SYNE1: variants seen among roughly 807,000 people sequenced by gnomAD.
SYNE1 encodes spectrin repeat containing nuclear envelope protein 1.
Under a neutral mutation model 1,111.0 loss-of-function variants are expected in SYNE1, and 616 were observed. That is an observed-to-expected ratio of 0.55 (90% CI 0.52 to 0.59). SYNE1 has a LOEUF of 0.59. SYNE1 is among the 20% of genes least tolerant of loss of function. The probability of loss-of-function intolerance (pLI) is 0.00; values close to 1 mark genes in which losing one functional copy is unlikely to be tolerated. For synonymous variants in SYNE1, 3,855 were observed against 3,825.8 expected, an observed-to-expected ratio of 1.01 and a Z score of -0.28; for missense variants, 10,006 against 10,417.0, an observed-to-expected ratio of 0.96 and a Z score of 1.72.
At position 152,376,928 on chromosome 6, in the gene SYNE1, GA is replaced by G. The variant is rs767637970; in HGVS notation, c.9010-17del. 6.2e-7 allele frequency: 1 copy of G among 1,613,216 alleles called. No homozygotes were observed. The highest frequency in any genetic ancestry group is 1.1e-5 in the South Asian group (1 of 91,064). ...CCAGTATCTCCTGTTCAGAAATAATGAGACAAAGAAGCGAGCACTTACATTG... is the reference window on the plus strand; with the variant it reads ...CCAGTATCTCCTGTTCAGAAATAATGGACAAAGAAGCGAGCACTTACATTG... On this transcript the variant is annotated splice_polypyrimidine_tract_variant and intron_variant, in intron 56 of 145. Coordinates refer to ENST00000367255, the MANE Select transcript of SYNE1 (RefSeq NM_182961.4).
Position 152,326,406 on chromosome 6 carries a change from T to C in SYNE1, c.15183A>G (p.Pro5061=). 1 of 1,614,134 alleles carries C rather than the reference T, an allele frequency of 6.2e-7. No homozygotes were observed. The highest frequency in any genetic ancestry group is 8.5e-7 in the Non-Finnish European group (1 of 1,180,028). ...ELHSLVATLD[P]LIKPTGKEDL... is the part of the protein sequence containing the mutation. ...CTTCTTTGCCGGTTGGCTTGATGAG[T>C]GGGTCCAGGGTGGCTACCAGGCTGT... Residue 5061 remains proline (P), a synonymous_variant, in exon 79 of 146, where the codon CCA becomes CCG. Transcript: ENST00000367255.
chr6:152,335,531 T>C (rs953990526), intron 76 of SYNE1: 1 of 152,126 alleles, frequency 6.6e-6, no homozygotes, highest in Admixed American at 6.6e-5. Context: ...AAAATAAATC[T>C]TATTATCCCG....
At chr6:152,449,780 T>C in intron 27 of SYNE1, 139 bp from the exon 28 acceptor site, 2 of 744,424 alleles carry the variant, frequency 2.7e-6, no homozygotes, top group South Asian at 1.7e-5. Context: ...CTGGAAACTA[T>C]TCTTTTAACA....
intron 14 of SYNE1, among the ~76,000 whole-genome samples, chr6:152,476,033 C>G (rs576210466): frequency 1.4e-4 from 22 of 152,198 alleles, no homozygotes; most frequent in Non-Finnish European, 2.8e-4. Context: ...TCTTCAATCT[C>G]TTAATACTGG....
chr6:152,598,102 G>A (rs1341098504), intron 3 of SYNE1, among the ~76,000 whole-genome samples: 2 of 152,088 alleles, frequency 1.3e-5, no homozygotes, highest in Non-Finnish European at 2.9e-5. Flanking sequence ...AAACTGATAT[G>A]GTTTGGCTGT....
chr6:152,288,587 C>T (rs1886335), intron 95 of SYNE1, among the ~76,000 whole-genome samples: 28,880 of 152,118 alleles, frequency 0.19, 3,397 homozygotes, highest in East Asian at 0.46. Context: ...CGCTCTGTCA[C>T]CCAGGCTGGA....
chr6:152,143,940 G>T, intron 137 of SYNE1, 175 bp from the exon 138 acceptor site: 1 of 890,944 alleles, frequency 1.1e-6, no homozygotes, highest in Non-Finnish European at 1.7e-6. Context: ...ACATTAAAAT[G>T]GCCAAACCAA....
chr6:152,470,353 G>A (rs1226970850), intron 16 of SYNE1, among the ~76,000 whole-genome samples: 1 of 152,132 alleles, frequency 6.6e-6, no homozygotes, highest in Non-Finnish European at 1.5e-5. Flanking sequence ...TGGGCTGAGA[G>A]GGTATCATTT....
rs541988464 is a variant in SYNE1 at position 152,636,308 on chromosome 6, C to A, written c.-224+330G>T. On this transcript the variant is annotated intron_variant, in intron 2 of 145. Transcript: ENST00000367255. Reference sequence around the variant, plus strand: ...ATAGTAGCAACAGTACCGACCATCACAATAAGAGGCTGGCTGCCTTTTGCT... The same window carrying A: ...ATAGTAGCAACAGTACCGACCATCAAAATAAGAGGCTGGCTGCCTTTTGCT... 2.6e-5 allele frequency among the ~76,000 whole-genome samples: 4 copies of A among 152,252 alleles called. No homozygotes were observed. The South Asian group carries it at 8.3e-4, about 32-fold the overall frequency.
intron 3 of SYNE1, among the ~76,000 whole-genome samples, chr6:152,551,266 C>T (rs1295908793): frequency 6.6e-6 from 1 of 152,072 alleles, no homozygotes; most frequent in African/African-American, 2.4e-5. Context: ...ACCATTAACT[C>T]GGATGTGAAC....
chr6:152,502,843 C>T lies in SYNE1; in HGVS notation c.779-101G>A, dbSNP rs2099037213. 3.3e-6 allele frequency: 3 copies of T among 913,990 alleles called. No individual in the cohort carries two copies. In the South Asian group the frequency reaches 4.3e-5, roughly 13 times the overall value. 56.6% of individuals were successfully genotyped at this position (913,990 alleles called of 1,614,324 possible). A position where few individuals can be genotyped will look rare whatever the true frequency, so the allele number is the denominator to read the frequency against. The stretch of plus-strand genomic sequence containing the variant: ...GCTATCACACCAAAAACGCTAAACG[C>T]AGAAGGAAAACAGAAGTACTATTTA... On this transcript the variant is annotated intron_variant, in intron 9 of 145. Transcript: ENST00000367255.
intron 6 of SYNE1, among the ~76,000 whole-genome samples, chr6:152,516,045 GAC>G (rs1241392479): frequency 6.6e-6 from 1 of 152,150 alleles, no homozygotes; most frequent in African/African-American, 2.4e-5. Context: ...AAAGATCAAA[GAC>G]AAATTTCTAA....
At chr6:152,544,396 T>C (rs2099295618) in intron 3 of SYNE1, among the ~76,000 whole-genome samples, 1 of 152,190 alleles carries the variant, frequency 6.6e-6, no homozygotes, top group Non-Finnish European at 1.5e-5. Context: ...CCAAATACTC[T>C]CTGGGTCCTT....
chr6:152,387,471 G>A, intron 53 of SYNE1, 90 bp from the exon 54 acceptor site: 1 of 1,325,528 alleles, frequency 7.5e-7, no homozygotes, highest in Non-Finnish European at 1.1e-6. Context: ...CATGCCAATT[G>A]TTTTATTGAA....
At chr6:152,204,801 C>G (rs1258970460) in intron 126 of SYNE1, among the ~76,000 whole-genome samples, 2 of 152,082 alleles carry the variant, frequency 1.3e-5, no homozygotes, top group Non-Finnish European at 2.9e-5. Context: ...GTTTTCTACA[C>G]CAACAAACAG....
At chr6:152,165,705 C>T (rs867394727) in intron 130 of SYNE1, among the ~76,000 whole-genome samples, 1 of 152,070 alleles carries the variant, frequency 6.6e-6, no homozygotes, top group Non-Finnish European at 1.5e-5. Context: ...CAAATTGTAC[C>T]CTGTCCCCCA....
intron 2 of SYNE1, among the ~76,000 whole-genome samples, chr6:152,630,062 T>C (rs1446544313): frequency 6.6e-6 from 1 of 152,096 alleles, no homozygotes; most frequent in Non-Finnish European, 1.5e-5. Flanking sequence ...ACTAATACTA[T>C]TATATATTGG....
At chr6:152,514,287 A>C (rs906683311) in intron 6 of SYNE1, among the ~76,000 whole-genome samples, 2 of 152,252 alleles carry the variant, frequency 1.3e-5, no homozygotes, top group Admixed American at 1.3e-4. Flanking sequence ...ACCATGGAAT[A>C]CTATGCAGCC....
At chr6:152,210,302 G>T (rs1312342972) in intron 124 of SYNE1, among the ~76,000 whole-genome samples, 1 of 152,082 alleles carries the variant, frequency 6.6e-6, no homozygotes, top group African/African-American at 2.4e-5. Context: ...TGGCTTGCAT[G>T]TGAGTATTTA....
Sources: gnomAD v4.1 joint callset for allele counts (sites outside exome capture counted in the v4.1 genomes callset) on GRCh38, gnomAD v4.1.1 for gene constraint, MANE v1.5 for transcripts, NCBI Gene and HGNC (gene_info 2026-07-23, HGNC 2026-07-21) for gene names.